TP53I3: variants seen among roughly 807,000 people sequenced by gnomAD.
The protein encoded by TP53I3 is tumor protein p53 inducible protein 3.
Under a neutral mutation model 27.7 loss-of-function variants are expected in TP53I3, and 32 were observed. The ratio of observed to expected loss-of-function variants is 1.16; its 90% CI spans 0.87 to 1.55. The LOEUF is 1.55. TP53I3 is among the 40% of genes most tolerant of loss of function. The pLI is 0.00. For missense variants in TP53I3, 372 were observed against 412.3 expected, an observed-to-expected ratio of 0.90 and a Z score of 0.85; for synonymous variants, 138 against 167.8, an observed-to-expected ratio of 0.82 and a Z score of 1.37.
At position 24,077,854 on chromosome 2, in the gene TP53I3, C is replaced by A; in HGVS notation, c.817-93G>T. On this transcript the variant is annotated intron_variant, in intron 4 of 4. Coordinates refer to ENST00000238721, the MANE Select transcript of TP53I3 (RefSeq NM_004881.5). The surrounding 1 kb of genome is among the most constrained non-coding windows in gnomAD (Gnocchi z 5.5). ...AGCCTTCTTGCTCTCTCTGAAGCCA[C>A]GTATCTGAAAAAGCACACAGGGACA... The A allele has an allele frequency of 1.4e-6, 2 of 1,422,190 alleles. No individual in the cohort carries two copies. The highest frequency in any genetic ancestry group is 1.9e-6 in the Non-Finnish European group (2 of 1,048,840). The allele number at this position is 1,422,190 out of a possible 1,614,324, so 88.1% of individuals were successfully genotyped here.
intron 1 of TP53I3, among the ~76,000 whole-genome samples, chr2:24,083,897 G>A (rs575967554): frequency 2.0e-5 from 3 of 152,136 alleles, no homozygotes; most frequent in Non-Finnish European, 4.4e-5. Flanking sequence ...TGGCGAACAG[G>A]GTAGCCTGGG....
At chr2:24,082,314 CT>C (rs950316902) in intron 2 of TP53I3, among the ~76,000 whole-genome samples, 1 of 152,166 alleles carries the variant, frequency 6.6e-6, no homozygotes, top group Non-Finnish European at 1.5e-5. Context: ...CTTGGCATGC[CT>C]TATGTCCTTC....
intron 3 of TP53I3, 52 bp from the exon 4 acceptor site, chr2:24,079,692 TAC>T: frequency 6.5e-7 from 1 of 1,548,168 alleles, no homozygotes; most frequent in Non-Finnish European, 8.9e-7. Flanking sequence ...CTAAATAAGA[TAC>T]CATGGTATAT....
At chr2:24,082,760 G>A in intron 2 of TP53I3, 125 bp downstream of exon 2, 1 of 1,285,090 alleles carries the variant, frequency 7.8e-7, no homozygotes, top group South Asian at 1.6e-5. Context: ...ATGGTTTGAG[G>A]ACCTGACAAT....
intron 4 of TP53I3, among the ~76,000 whole-genome samples, chr2:24,078,498 A>G (rs892700296): frequency 2.6e-5 from 4 of 151,858 alleles, no homozygotes; most frequent in Non-Finnish European, 5.9e-5. Flanking sequence ...AAAAAAAAAA[A>G]AAAAAGTACA....
At position 24,084,062 on chromosome 2, in the gene TP53I3, C is replaced by A. The variant is rs1401942394; in HGVS notation, c.138+127G>T. 11 of 1,392,834 alleles carry A rather than the reference C, an allele frequency of 7.9e-6. No individual in the cohort carries two copies. Among genetic ancestry groups the A allele is most frequent in the Non-Finnish European group, 1.0e-5 (11 of 1,059,886 alleles). The allele number at this position is 1,392,834 out of a possible 1,614,324, so 86.3% of individuals were successfully genotyped here. ...GCGCCCTGGGTTTAGGTCTGGGAAG[C>A]CCCAGCGCAGCTGCCTGCTGGGTGT... is the stretch of plus-strand genomic sequence containing the variant. On this transcript the variant is annotated intron_variant, in intron 1 of 4. Transcript: ENST00000238721. The surrounding 1 kb of genome is among the most constrained non-coding windows in gnomAD (Gnocchi z 8.4).
At chr2:24,079,406 G>T in intron 4 of TP53I3, 38 bp downstream of exon 4, 1 of 1,603,512 alleles carries the variant, frequency 6.2e-7, no homozygotes, top group Non-Finnish European at 8.5e-7. Context: ...ACACTTTTCT[G>T]GGTTAAATCA....
chr2:24,081,027 AT>A lies in TP53I3; in HGVS notation c.410del (p.Asn137MetfsTer9). ...TTAGCACATAGTCTCCAGCCTGAACATTTCCTGTGACAGAAAGTACAGGGTT... is the reference window on the plus strand; with the variant it reads ...TTAGCACATAGTCTCCAGCCTGAACATTCCTGTGACAGAAAGTACAGGGTT... The part of the protein sequence containing the change: ...TAFQLLHLVG[N>X]VQAGDYVLIH... On this transcript the variant is annotated frameshift_variant, in exon 3 of 5. Coordinates refer to ENST00000238721, the MANE Select transcript of TP53I3 (RefSeq NM_004881.5). LOFTEE classifies it high-confidence loss of function. The A allele has an allele frequency of 6.2e-7, 1 of 1,611,332 alleles. No homozygotes were observed. Among genetic ancestry groups the A allele is most frequent in the Non-Finnish European group, 8.5e-7 (1 of 1,178,012 alleles).
In TP53I3 at chr2:24,083,047, T is replaced by A. The variant is rs1390580050; in HGVS notation, c.244A>T (p.Ile82Phe). Residue 82 changes from isoleucine to phenylalanine, a missense_variant, in exon 2 of 5, where the codon ATC (isoleucine) becomes TTC (phenylalanine). By Grantham distance (21) the Ile-to-Phe change is conservative. Coordinates refer to ENST00000238721, the MANE Select transcript of TP53I3 (RefSeq NM_004881.5). ...LGPGCQGHWK[I>F]GDTAMALLPG... ...AGCAGAGCCATGGCTGTGTCCCCGA[T>A]CTTCCAGTGTCCCTGGCAGCCAGGC... The A allele has an allele frequency of 1.2e-6, 2 of 1,614,170 alleles. No homozygotes were observed. Among genetic ancestry groups the A allele is most frequent in the Non-Finnish European group, 1.7e-6 (2 of 1,180,034 alleles).
Position 24,081,030 on chromosome 2 carries a change from T to G in TP53I3, c.408A>C (p.Gly136=). Residue 136 remains glycine, a splice_region_variant and synonymous_variant, in exon 3 of 5, where the codon GGA becomes GGC. Coordinates refer to ENST00000238721, the MANE Select transcript of TP53I3 (RefSeq NM_004881.5). ...LTAFQLLHLV[G]NVQAGDYVLI... is the part of the protein sequence containing the mutation. The stretch of plus-strand genomic sequence containing the variant: ...GCACATAGTCTCCAGCCTGAACATT[T>G]CCTGTGACAGAAAGTACAGGGTTCT... 3.7e-6 allele frequency: 6 copies of G among 1,611,280 alleles called. No individual in the cohort carries two copies. Among genetic ancestry groups the G allele is most frequent in the Non-Finnish European group, 5.1e-6 (6 of 1,177,850 alleles).
At position 24,084,526 on chromosome 2, in the gene TP53I3, C is replaced by G. The variant is rs1326606545; in HGVS notation, c.-200G>C. On this transcript the variant is annotated 5_prime_UTR_variant, in exon 1 of 5. Transcript: ENST00000238721. The surrounding 1 kb of genome is among the most constrained non-coding windows in gnomAD (Gnocchi z 8.4). Reference sequence around the variant, plus strand: ...TCTGCCGCGGACCCGGCCTCCGCCCCGAGCTCCTGCCTGGGAAGTCCTCGG... The same window carrying G: ...TCTGCCGCGGACCCGGCCTCCGCCCGGAGCTCCTGCCTGGGAAGTCCTCGG... The G allele has an allele frequency of 1.5e-6, 1 of 679,006 alleles. No homozygotes were observed. The highest frequency in any genetic ancestry group is 2.3e-6 in the Non-Finnish European group (1 of 441,844). 42.1% of individuals were successfully genotyped at this position (679,006 alleles called of 1,614,324 possible). A position where few individuals can be genotyped will look rare whatever the true frequency, so the allele number is the denominator to read the frequency against.
In TP53I3 at chr2:24,077,454, C is replaced by CGTA; in HGVS notation, c.*124_*125insTAC. Reference sequence around the variant, plus strand: ...ACCCTTCCAGTTCACTCTTTATTTCCTCATATCAGCTTTAAACGGCTCTGG... The same window carrying CGTA: ...ACCCTTCCAGTTCACTCTTTATTTCCGTATCATATCAGCTTTAAACGGCTCTGG... On this transcript the variant is annotated 3_prime_UTR_variant, in exon 5 of 5. Coordinates refer to ENST00000238721, the MANE Select transcript of TP53I3 (RefSeq NM_004881.5). The surrounding 1 kb of genome is among the most constrained non-coding windows in gnomAD (Gnocchi z 5.5). 8.5e-7 allele frequency: 1 copy of CGTA among 1,173,978 alleles called. No homozygotes were observed. The highest frequency in any genetic ancestry group is 3.0e-5 in the Admixed American group (1 of 33,712). 72.7% of individuals were successfully genotyped at this position (1,173,978 alleles called of 1,614,324 possible).
In TP53I3 at chr2:24,084,489, T is replaced by C. The variant is rs1573724901; in HGVS notation, c.-163A>G. 3.9e-5 allele frequency: 38 copies of C among 970,596 alleles called. No individual in the cohort carries two copies. The highest frequency in any genetic ancestry group is 5.3e-5 in the Non-Finnish European group (37 of 702,956). 60.1% of individuals were successfully genotyped at this position (970,596 alleles called of 1,614,324 possible). ...GCAGCGCCCCCTGCCGGCCAGCGCCTCGCTGCCCTGGTCTGCCGCGGACCC... is the reference window on the plus strand; with the variant it reads ...GCAGCGCCCCCTGCCGGCCAGCGCCCCGCTGCCCTGGTCTGCCGCGGACCC... On this transcript the variant is annotated 5_prime_UTR_variant, in exon 1 of 5. Transcript: ENST00000238721. This position sits in a 1 kb window ranked among gnomAD's most constrained non-coding sequence, Gnocchi z 8.4.
At chr2:24,083,800 C>T (rs1665123995) in intron 1 of TP53I3, among the ~76,000 whole-genome samples, 1 of 152,138 alleles carries the variant, frequency 6.6e-6, no homozygotes, top group South Asian at 2.1e-4. Flanking sequence ...CAGCTTGAAT[C>T]CCAGCTCTTC....
chr2:24,083,085 A>G lies in TP53I3; in HGVS notation c.206T>C (p.Val69Ala). ...NILGLEASGH[V>A]AELGPGCQGH... ...CTGGCAGCCAGGCCCCAGCTCTGCC[A>G]CATGTCCAGATGCCTCAAGTCCCAA... Residue 69 changes from valine to alanine, a missense_variant, in exon 2 of 5, where the codon GTG (valine) becomes GCG (alanine). Transcript: ENST00000238721. The G allele has an allele frequency of 6.2e-7, 1 of 1,614,124 alleles. No individual in the cohort carries two copies. The highest frequency in any genetic ancestry group is 2.2e-5 in the East Asian group (1 of 44,878).
At position 24,083,041 on chromosome 2, in the gene TP53I3, C is replaced by T. The variant is rs201917137; in HGVS notation, c.250G>A (p.Asp84Asn). The change falls in exon 2 of 5, where the codon GAC (aspartate) becomes AAC (asparagine). Residue 84 changes from aspartate (D) to asparagine (N), a missense_variant. Coordinates refer to ENST00000238721, the MANE Select transcript of TP53I3 (RefSeq NM_004881.5). The part of the protein sequence containing the change: ...PGCQGHWKIG[D>N]TAMALLPGGG... Reference sequence around the variant, plus strand: ...CCGGGGAGCAGAGCCATGGCTGTGTCCCCGATCTTCCAGTGTCCCTGGCAG... The same window carrying T: ...CCGGGGAGCAGAGCCATGGCTGTGTTCCCGATCTTCCAGTGTCCCTGGCAG... The T allele has an allele frequency of 1.6e-4, 255 of 1,614,088 alleles. No individual in the cohort carries two copies. Among genetic ancestry groups the T allele is most frequent in the Non-Finnish European group, 1.1e-4 (131 of 1,180,042 alleles).
rs1182858403 is a variant in TP53I3 at position 24,080,299 on chromosome 2, G to A, written c.619+520C>T. ...GAACCTGGGAGGCGGAGGTTGCAGCGAGCCGAGATCAAGCCACTGCACGCC... is the reference window on the plus strand; with the variant it reads ...GAACCTGGGAGGCGGAGGTTGCAGCAAGCCGAGATCAAGCCACTGCACGCC... On this transcript the variant is annotated intron_variant, in intron 3 of 4. Transcript: ENST00000238721. This position sits in a 1 kb window ranked among gnomAD's most constrained non-coding sequence, Gnocchi z 4.7. Among the ~76,000 whole-genome samples, 2 of 151,598 alleles carry A rather than the reference G, an allele frequency of 1.3e-5. No individual in the cohort carries two copies. Among genetic ancestry groups the A allele is most frequent in the Non-Finnish European group, 1.5e-5 (1 of 67,966 alleles).
At position 24,084,339 on chromosome 2, in the gene TP53I3, C is replaced by CACAGGGCAGGGCAGGGCAGGGCAGG. The variant is rs1558362964; in HGVS notation, c.-14_-13insCCTGCCCTGCCCTGCCCTGCCCTGT. 5.6e-6 allele frequency: 9 copies of CACAGGGCAGGGCAGGGCAGGGCAGG among 1,603,964 alleles called. No individual in the cohort carries two copies. The highest frequency in any genetic ancestry group is 3.3e-5 in the South Asian group (3 of 90,028). ...GCACGGCTAACATATTGTCTGAGGA[C>CACAGGGCAGGGCAGGGCAGGGCAGG]ACAGGGCAGGGCAGGGCAGGACAGG... is the stretch of plus-strand genomic sequence containing the variant. On this transcript the variant is annotated 5_prime_UTR_variant, in exon 1 of 5. Transcript: ENST00000238721. The surrounding 1 kb of genome is among the most constrained non-coding windows in gnomAD (Gnocchi z 8.4).
In TP53I3 at chr2:24,084,214, G is replaced by A. The variant is rs756326061; in HGVS notation, c.113C>T (p.Ala38Val). Reference sequence around the variant, plus strand: ...CTGCATTAAGTCCGCCCGGTTCAGGGCGCTGGCCGCCACCTTCAGGAGGAC... The same window carrying A: ...CTGCATTAAGTCCGCCCGGTTCAGGACGCTGGCCGCCACCTTCAGGAGGAC... ...GEVLLKVAAS[A>V]LNRADLMQRQ... The change falls in exon 1 of 5, where the codon GCC (alanine) becomes GTC (valine). Residue 38 changes from alanine (A) to valine (V), a missense_variant. Coordinates refer to ENST00000238721, the MANE Select transcript of TP53I3 (RefSeq NM_004881.5). The surrounding 1 kb of genome is among the most constrained non-coding windows in gnomAD (Gnocchi z 8.4). 3 of 1,613,564 alleles carry A rather than the reference G, an allele frequency of 1.9e-6. No homozygotes were observed. The highest frequency in any genetic ancestry group is 2.5e-6 in the Non-Finnish European group (3 of 1,179,882).
Sources: allele counts gnomAD v4.1 joint callset (sites outside exome capture counted in the v4.1 genomes callset), GRCh38; gene constraint gnomAD v4.1.1; non-coding constraint Gnocchi (gnomAD v3.1); transcripts MANE v1.5; gene names NCBI Gene and HGNC (gene_info 2026-07-23, HGNC 2026-07-21).